SGMS1: variants seen among roughly 807,000 people sequenced by gnomAD.
SGMS1 encodes sphingomyelin synthase 1, also known as phosphatidylcholine:ceramide cholinephosphotransferase 1.
A neutral mutation model predicts 46.2 loss-of-function variants in SGMS1; 13 were observed. The observed-to-expected ratio is 0.28, with a 90% CI of 0.18 to 0.45. The LOEUF (loss-of-function observed/expected upper bound fraction) is 0.45, where lower values mean the gene tolerates loss of function less well. Ranked by LOEUF, SGMS1 falls within the 20% of genes least tolerant of loss-of-function variation. The pLI is 1.00. For missense variants in SGMS1, 324 were observed against 519.9 expected (o/e 0.62, Z 3.66); for synonymous variants, 203 against 187.8 (o/e 1.08, Z -0.66).
At chr10:50,503,280 G>A (rs1453906916) in intron 3 of SGMS1, among the ~76,000 whole-genome samples, 1 of 152,212 alleles carries the variant, frequency 6.6e-6, no homozygotes, top group African/African-American at 2.4e-5. Context: ...TTCTAGAAGA[G>A]CTGATTAGGA....
chr10:50,528,367 T>G (rs1837923395), intron 2 of SGMS1, among the ~76,000 whole-genome samples: 1 of 152,132 alleles, frequency 6.6e-6, no homozygotes, highest in Non-Finnish European at 1.5e-5. Context: ...CACTCGGGGG[T>G]TTGTCAAATG....
chr10:50,473,401 C>A (rs1397787443), intron 3 of SGMS1, among the ~76,000 whole-genome samples: 1 of 152,162 alleles, frequency 6.6e-6, no homozygotes, highest in East Asian at 1.9e-4. Flanking sequence ...ATTCATAGAA[C>A]AATGAGACTT....
At chr10:50,518,240 G>A (rs1837826249) in intron 3 of SGMS1, among the ~76,000 whole-genome samples, 1 of 152,108 alleles carries the variant, frequency 6.6e-6, no homozygotes, top group South Asian at 2.1e-4. Flanking sequence ...CTTAAATACT[G>A]ACTGACTTTA....
chr10:50,542,788 T>C (rs968183344), intron 2 of SGMS1, among the ~76,000 whole-genome samples: 2 of 148,696 alleles, frequency 1.3e-5, no homozygotes, highest in African/African-American at 4.9e-5. Context: ...TATTGTTTAA[T>C]TTTTTCATTT....
At chr10:50,482,448 T>C (rs923242645) in intron 3 of SGMS1, among the ~76,000 whole-genome samples, 1 of 151,990 alleles carries the variant, frequency 6.6e-6, no homozygotes, top group African/African-American at 2.4e-5. Flanking sequence ...GAAAATAAAA[T>C]CCTTTTCAGG....
chr10:50,436,665 GTTCA>G (rs1367416933), intron 5 of SGMS1, among the ~76,000 whole-genome samples: 2 of 152,164 alleles, frequency 1.3e-5, no homozygotes, highest in Non-Finnish European at 2.9e-5. Context: ...TTTTCTGAAT[GTTCA>G]CTTTACACTC....
chr10:50,543,291 C>G (rs1427335592), intron 2 of SGMS1, among the ~76,000 whole-genome samples: 1 of 152,168 alleles, frequency 6.6e-6, no homozygotes, highest in Non-Finnish European at 1.5e-5. Flanking sequence ...GGAAAGAGGA[C>G]AGCAGAGACA....
At chr10:50,391,454 T>A (rs900136992) in intron 6 of SGMS1, among the ~76,000 whole-genome samples, 2 of 151,954 alleles carry the variant, frequency 1.3e-5, no homozygotes, top group Non-Finnish European at 2.9e-5. Flanking sequence ...GAAATGCAAA[T>A]CAAAGCCACA....
chr10:50,369,290 G>A (rs1053987392), intron 6 of SGMS1, among the ~76,000 whole-genome samples: 8 of 152,176 alleles, frequency 5.3e-5, no homozygotes, highest in African/African-American at 1.7e-4. Flanking sequence ...TTGAGCCTAC[G>A]AGTTCAAGAC....
At chr10:50,608,837 C>T (rs990331124) in intron 1 of SGMS1, among the ~76,000 whole-genome samples, 2 of 152,058 alleles carry the variant, frequency 1.3e-5, no homozygotes, top group Admixed American at 6.6e-5. Flanking sequence ...CACCAAATTC[C>T]GTGGATGCTC....
chr10:50,419,181 G>C (rs952609450), intron 6 of SGMS1, among the ~76,000 whole-genome samples: 2 of 152,052 alleles, frequency 1.3e-5, no homozygotes, highest in African/African-American at 4.8e-5. Flanking sequence ...TGAAGATAAG[G>C]GGGGAACTAC....
intron 3 of SGMS1, among the ~76,000 whole-genome samples, chr10:50,495,238 CAAAAAAA>C (rs35409405): frequency 1.3e-5 from 1 of 75,910 alleles, no homozygotes; most frequent in Non-Finnish European, 2.4e-5. Context: ...GATTCCGTCT[CAAAAAAA>C]AAAAAAAAAA....
chr10:50,313,198 C>G (rs1416351070), intron 8 of SGMS1, among the ~76,000 whole-genome samples: 1 of 152,108 alleles, frequency 6.6e-6, no homozygotes, highest in South Asian at 2.1e-4. Flanking sequence ...GGATAGGAAA[C>G]TTGAACGTGT....
intron 6 of SGMS1, among the ~76,000 whole-genome samples, chr10:50,374,101 C>T (rs1848485993): frequency 6.6e-6 from 1 of 152,090 alleles, no homozygotes; most frequent in Non-Finnish European, 1.5e-5. Flanking sequence ...CAAAGCAGGC[C>T]AGCACTAAGC....
At chr10:50,440,721 C>T (rs1849534642) in intron 5 of SGMS1, among the ~76,000 whole-genome samples, 1 of 152,100 alleles carries the variant, frequency 6.6e-6, no homozygotes, top group Non-Finnish European at 1.5e-5. Flanking sequence ...GCAATCCTCC[C>T]ATCTCAGCCT....
intron 6 of SGMS1, among the ~76,000 whole-genome samples, chr10:50,417,189 C>T (rs367825565): frequency 5.3e-5 from 8 of 152,154 alleles, no homozygotes; most frequent in African/African-American, 1.9e-4. Flanking sequence ...CCTACTTCCC[C>T]AAACTCTTGC....
intron 7 of SGMS1, chr10:50,340,386 C>T (rs1847797715): frequency 6.6e-6 from 1 of 152,164 alleles, no homozygotes; most frequent in East Asian, 1.9e-4. Context: ...ACAAGGGATA[C>T]CTGTTTTGCA....
chr10:50,447,665 G>A (rs1206570279), intron 5 of SGMS1, among the ~76,000 whole-genome samples: 2 of 151,982 alleles, frequency 1.3e-5, no homozygotes, highest in African/African-American at 2.4e-5. Context: ...TGTTTATCAC[G>A]TATAACATGT....
intron 6 of SGMS1, among the ~76,000 whole-genome samples, chr10:50,387,896 T>C (rs1218983408): frequency 6.6e-6 from 1 of 152,188 alleles, no homozygotes; most frequent in Non-Finnish European, 1.5e-5. Flanking sequence ...GCTTAGTGTT[T>C]GCCTTATTTG....
Sources: allele counts gnomAD v4.1 joint callset (sites outside exome capture counted in the v4.1 genomes callset), GRCh38; gene constraint gnomAD v4.1.1; transcripts MANE v1.5; gene names NCBI Gene and HGNC (gene_info 2026-07-23, HGNC 2026-07-21).